EPHA6: variants seen among roughly 807,000 people sequenced by gnomAD.
EPHA6 encodes ephrin type-A receptor 6.
Under a neutral mutation model 112.0 loss-of-function variants are expected in EPHA6, and 50 were observed. That is an observed-to-expected ratio of 0.45 (90% CI 0.36 to 0.56). The LOEUF (loss-of-function observed/expected upper bound fraction) is 0.56. Ranked by LOEUF, EPHA6 falls within the 20% of genes least tolerant of loss-of-function variation. The pLI, the probability that EPHA6 is intolerant of heterozygous loss-of-function variation, is 0.00. For missense variants in EPHA6, 1,280 were observed against 1,417.4 expected, an observed-to-expected ratio of 0.90 and a Z score of 1.56; for synonymous variants, 529 against 490.7, an observed-to-expected ratio of 1.08 and a Z score of -1.03.
chr3:97,109,163 G>A (rs578177267), intron 3 of EPHA6, among the ~76,000 whole-genome samples: 37 of 152,306 alleles, frequency 2.4e-4, no homozygotes, highest in African/African-American at 8.9e-4. Flanking sequence ...TTGAATGAAT[G>A]AGTGATTTTA....
chr3:97,116,957 T>TC (rs2047905676), intron 3 of EPHA6, among the ~76,000 whole-genome samples: 2 of 151,870 alleles, frequency 1.3e-5, no homozygotes, highest in South Asian at 4.1e-4. Flanking sequence ...ACCAAAGTGT[T>TC]CAACAGTTAC....
chr3:97,624,577 T>C (rs2093840389), intron 13 of EPHA6, among the ~76,000 whole-genome samples: 1 of 151,580 alleles, frequency 6.6e-6, no homozygotes, highest in Non-Finnish European at 1.5e-5. Context: ...TGAATCAAAA[T>C]GTCTCTCTCC....
intron 11 of EPHA6, among the ~76,000 whole-genome samples, chr3:97,540,699 G>T (rs901968775): frequency 1.3e-5 from 2 of 151,970 alleles, no homozygotes; most frequent in African/African-American, 4.8e-5. Context: ...TCAGTGTGAA[G>T]GTATCATTGT....
At chr3:97,516,984 T>G (rs1560091353) in intron 10 of EPHA6, among the ~76,000 whole-genome samples, 1 of 151,918 alleles carries the variant, frequency 6.6e-6, no homozygotes, top group Non-Finnish European at 1.5e-5. Flanking sequence ...CAACAGAAAA[T>G]AAAGACATTC....
chr3:97,757,689 C>T lies in EPHA6; in HGVS notation c.*8988C>T, dbSNP rs1015418227. On this transcript the variant is annotated 3_prime_UTR_variant, in exon 18 of 18. Coordinates refer to ENST00000389672, the MANE Select transcript of EPHA6 (RefSeq NM_001080448.3). Reference sequence around the variant, plus strand: ...TTGTTAAGCAGTTATATTAATTTTACACATACTCTTAAATGCTTAAAAACA... The same window carrying T: ...TTGTTAAGCAGTTATATTAATTTTATACATACTCTTAAATGCTTAAAAACA... 6.6e-6 allele frequency among the ~76,000 whole-genome samples: 1 copy of T among 151,802 alleles called. No homozygotes were observed. Among genetic ancestry groups the T allele is most frequent in the Non-Finnish European group, 1.5e-5 (1 of 67,766 alleles).
At chr3:97,724,547 T>A (rs944596048) in intron 15 of EPHA6, among the ~76,000 whole-genome samples, 3 of 152,044 alleles carry the variant, frequency 2.0e-5, no homozygotes, top group Non-Finnish European at 4.4e-5. Flanking sequence ...GGCAGGAAGA[T>A]CACTTCCCAG....
rs778369725 is a variant in EPHA6 at position 97,592,713 on chromosome 3, T to G, written c.2488T>G (p.Ser830Ala). Residue 830 changes from serine to alanine, a missense_variant, in exon 12 of 18, where the codon TCT (serine) becomes GCT (alanine). Coordinates refer to ENST00000389672, the MANE Select transcript of EPHA6 (RefSeq NM_001080448.3). Reference sequence around the variant, plus strand: ...CCCGCATCCAGTGCCAGGGGGAGGATCTTTGCCCCCCAGGATTCCTGCTGG... The same window carrying G: ...CCCGCATCCAGTGCCAGGGGGAGGAGCTTTGCCCCCCAGGATTCCTGCTGG... ...QAPHPVPGGG[S>A]LPPRIPAGRP... 2 of 1,601,288 alleles carry G rather than the reference T, an allele frequency of 1.2e-6. No homozygotes were observed. The highest frequency in any genetic ancestry group is 1.7e-6 in the Non-Finnish European group (2 of 1,176,182).
chr3:97,697,296 T>TA (rs1335956066), intron 14 of EPHA6, among the ~76,000 whole-genome samples: 8 of 152,224 alleles, frequency 5.3e-5, no homozygotes, highest in African/African-American at 1.9e-4. Flanking sequence ...TGGAATAATG[T>TA]AGGATAGGTT....
chr3:96,871,324 G>A (rs973926921), intron 2 of EPHA6, among the ~76,000 whole-genome samples: 1 of 151,912 alleles, frequency 6.6e-6, no homozygotes, highest in African/African-American at 2.4e-5. Context: ...TTAGAAGGAT[G>A]AAATTATGTA....
rs146806862 is a variant in EPHA6, at chr3:96,978,873, G to A, written c.451-8457G>A. ...CCCTTCTCTCATTCTGAACATCTCC[G>A]CAACTGAATGTATTTGTAAATAAGG... On this transcript the variant is annotated intron_variant, in intron 2 of 17. Coordinates refer to ENST00000389672, the MANE Select transcript of EPHA6 (RefSeq NM_001080448.3). Among the ~76,000 whole-genome samples, 33 of 152,002 alleles carry A rather than the reference G, an allele frequency of 2.2e-4. No homozygotes were observed. The East Asian group carries it at 5.0e-3, about 23-fold the overall frequency.
intron 3 of EPHA6, among the ~76,000 whole-genome samples, chr3:97,186,773 CTTCTTACAAGT>C (rs2077150820): frequency 6.6e-6 from 1 of 152,026 alleles, no homozygotes; most frequent in South Asian, 2.1e-4. Flanking sequence ...GACCTCATGA[CTTCTTACAAGT>C]TTGTCAAATA....
chr3:97,209,871 A>G (rs1027458561), intron 3 of EPHA6, among the ~76,000 whole-genome samples: 1 of 152,200 alleles, frequency 6.6e-6, no homozygotes, highest in Non-Finnish European at 1.5e-5. Context: ...CAATTCATTC[A>G]ATTGAATTGA....
chr3:97,267,681 G>A (rs2079732946), intron 5 of EPHA6, among the ~76,000 whole-genome samples: 1 of 152,088 alleles, frequency 6.6e-6, no homozygotes, highest in South Asian at 2.1e-4. Context: ...AAGATAAAGT[G>A]ATTTAAGTGT....
At chr3:97,393,211 A>G (rs1294235011) in intron 5 of EPHA6, among the ~76,000 whole-genome samples, 2 of 151,862 alleles carry the variant, frequency 1.3e-5, no homozygotes, top group Non-Finnish European at 2.9e-5. Context: ...TTACTGAAAC[A>G]TGACAAGTAA....
intron 3 of EPHA6, among the ~76,000 whole-genome samples, chr3:97,049,847 T>C (rs1193847018): frequency 6.6e-6 from 1 of 152,092 alleles, no homozygotes; most frequent in African/African-American, 2.4e-5. Flanking sequence ...AGGGGAGATA[T>C]TATTCTGTTC....
chr3:97,194,386 C>T (rs2077385824), intron 3 of EPHA6, among the ~76,000 whole-genome samples: 1 of 151,164 alleles, frequency 6.6e-6, no homozygotes, highest in African/African-American at 2.4e-5. Flanking sequence ...TCTAATGTTC[C>T]TCTGGTTGTT....
intron 13 of EPHA6, among the ~76,000 whole-genome samples, chr3:97,629,469 C>T (rs1394692342): frequency 6.6e-6 from 1 of 151,820 alleles, no homozygotes; most frequent in Non-Finnish European, 1.5e-5. Flanking sequence ...GGAGTTTAAG[C>T]AGCAATATTC....
At chr3:97,267,694 A>G (rs1475020545) in intron 5 of EPHA6, among the ~76,000 whole-genome samples, 12 of 152,162 alleles carry the variant, frequency 7.9e-5, no homozygotes, top group Non-Finnish European at 1.6e-4. Context: ...TTAAGTGTAA[A>G]AAGTCACCTA....
intron 2 of EPHA6, among the ~76,000 whole-genome samples, chr3:96,970,413 G>A (rs1314275013): frequency 6.6e-6 from 1 of 152,010 alleles, no homozygotes; most frequent in East Asian, 1.9e-4. Context: ...TAAGTCATAT[G>A]TTATGTTTCT....
Sources: allele counts gnomAD v4.1 joint callset (sites outside exome capture counted in the v4.1 genomes callset), GRCh38; gene constraint gnomAD v4.1.1; transcripts MANE v1.5; gene names NCBI Gene and HGNC (gene_info 2026-07-23, HGNC 2026-07-21).